The following LSP1 variants were observed in gnomAD, a reference collection of about 807,000 sequenced individuals.
The protein encoded by LSP1 is lymphocyte-specific protein 1.
In LSP1, 32 loss-of-function variants were observed where a neutral mutation model predicts 49.3. That is an observed-to-expected ratio of 0.65 (90% confidence interval 0.49 to 0.87). The LOEUF (loss-of-function observed/expected upper bound fraction) is 0.87, where lower values mean the gene tolerates loss of function less well. Ranked by LOEUF, LSP1 falls within the 40% of genes least tolerant of loss-of-function variation. The pLI, the probability that LSP1 is intolerant of heterozygous loss-of-function variation, is 0.00. For missense variants in LSP1, 428 were observed against 442.6 expected (o/e 0.97, Z 0.30); for synonymous variants, 179 against 178.8 (o/e 1.00, Z -0.01).
chr11:1,865,747 A>C (rs569829449), intron 1 of LSP1, among the ~76,000 whole-genome samples: 1 of 151,488 alleles, frequency 6.6e-6, no homozygotes, highest in East Asian at 2.0e-4. Context: ...TGAGCCCCCA[A>C]AATGAAGGGC....
rs1050909061 is a variant in LSP1, at chr11:1,881,495, C to G, written c.255C>G (p.Ser85=). ...AGGACGAGGGCTTTGGCGACTGGTC[C>G]CAGAGGCCAGAGCAGCGGCAGCAGC... The part of the protein sequence containing the change: ...LDEDEGFGDW[S]QRPEQRQQHE... Residue 85 remains serine, a synonymous_variant, in exon 3 of 11, where the codon TCC becomes TCG. Coordinates refer to ENST00000311604, the MANE Select transcript of LSP1 (RefSeq NM_002339.3). The G allele has an allele frequency of 1.3e-6, 2 of 1,575,436 alleles. No individual in the cohort carries two copies. The highest frequency in any genetic ancestry group is 1.3e-5 in the African/African-American group (1 of 74,462).
chr11:1,876,091 G>A (rs904013198), intron 1 of LSP1, among the ~76,000 whole-genome samples: 5 of 152,224 alleles, frequency 3.3e-5, no homozygotes, highest in African/African-American at 9.6e-5. Context: ...GATAGGCCCC[G>A]ACACACACTC....
At chr11:1,890,241 G>T in intron 10 of LSP1, 1 of 716,326 alleles carries the variant, frequency 1.4e-6, no homozygotes. Context: ...GGGGGTGTGC[G>T]GGGAGCGGGG....
At position 1,867,950 on chromosome 11, in the gene LSP1, G is replaced by A. The variant is rs934852754; in HGVS notation, c.54-12137G>A. 3.3e-5 allele frequency among the ~76,000 whole-genome samples: 5 copies of A among 152,262 alleles called. No individual in the cohort carries two copies. In the South Asian group the frequency reaches 8.3e-4, roughly 25 times the overall value. On this transcript the variant is annotated intron_variant, in intron 1 of 10. Coordinates refer to ENST00000311604, the MANE Select transcript of LSP1 (RefSeq NM_002339.3). ...TGTACCCAGCCCCTGCCAGAATGCG[G>A]CTTCTGGCTGGCAGGGTCAGGCCCT... is the stretch of plus-strand genomic sequence containing the variant.
chr11:1,862,857 C>G (rs993046082), intron 1 of LSP1, among the ~76,000 whole-genome samples: 9 of 152,148 alleles, frequency 5.9e-5, no homozygotes, highest in African/African-American at 2.2e-4. Flanking sequence ...CCTGGGTGAG[C>G]TCACTAAACA....
intron 1 of LSP1, among the ~76,000 whole-genome samples, chr11:1,863,848 G>A (rs990699232): frequency 1.3e-5 from 2 of 152,152 alleles, no homozygotes; most frequent in South Asian, 2.1e-4. Flanking sequence ...ATACCAAACC[G>A]AAGATGCTGC....
intron 1 of LSP1, chr11:1,865,137 T>C: frequency 3.2e-5 from 30 of 948,124 alleles, no homozygotes; most frequent in Non-Finnish European, 3.8e-5. Context: ...CAGGAGCCTT[T>C]GAGATGCTGC....
At chr11:1,869,689 A>T (rs1418063564) in intron 1 of LSP1, 1 of 470,700 alleles carries the variant, frequency 2.1e-6, no homozygotes, top group Non-Finnish European at 4.4e-6. Flanking sequence ...GGAAGATCAA[A>T]GAAGCGAGAA....
At chr11:1,887,407 G>C (rs1305278956) in intron 9 of LSP1, 67 bp from the exon 10 acceptor site, 3 of 1,581,820 alleles carry the variant, frequency 1.9e-6, no homozygotes, top group Non-Finnish European at 2.6e-6. Context: ...GGGCTTCCCA[G>C]AGGCGGAGGC....
In LSP1 at chr11:1,872,368, T is replaced by G. The variant is rs544713517; in HGVS notation, c.54-7719T>G. Among the ~76,000 whole-genome samples the G allele has an allele frequency of 3.5e-5, 5 of 142,248 alleles. No individual in the cohort carries two copies. The East Asian group carries it at 8.9e-4, about 25-fold the overall frequency. The allele number at this position is 142,248 out of a possible 152,430, so 93.3% of individuals were successfully genotyped here. On this transcript the variant is annotated intron_variant, in intron 1 of 10. Transcript: ENST00000311604. ...CCCATGCTGGTAGAGTTGGGGTCTGTCTGGCTGGCGTGGGCACCTTTGGGA... is the reference window on the plus strand; with the variant it reads ...CCCATGCTGGTAGAGTTGGGGTCTGGCTGGCTGGCGTGGGCACCTTTGGGA...
At chr11:1,871,986 G>C (rs1848036866) in intron 1 of LSP1, among the ~76,000 whole-genome samples, 2 of 149,400 alleles carry the variant, frequency 1.3e-5, no homozygotes, top group South Asian at 4.2e-4. Flanking sequence ...GTAGAGTTGG[G>C]GTCTGTCTGG....
At chr11:1,864,340 G>A (rs1010634456) in intron 1 of LSP1, 4 of 745,068 alleles carry the variant, frequency 5.4e-6, no homozygotes, top group African/African-American at 3.8e-5. Flanking sequence ...GAGGCACTCC[G>A]AGGTGGGAGG....
At chr11:1,887,368 A>G (rs1848798451) in intron 9 of LSP1, 54 bp downstream of exon 9, 3 of 1,579,518 alleles carry the variant, frequency 1.9e-6, no homozygotes. Context: ...GGGGAGGGCA[A>G]AGAGGGACTG....
chr11:1,864,612 T>G (rs1847728042), intron 1 of LSP1, among the ~76,000 whole-genome samples: 2 of 144,996 alleles, frequency 1.4e-5, no homozygotes, highest in African/African-American at 5.2e-5. Flanking sequence ...GAGGAGGAGG[T>G]GGAGGTGGAA....
chr11:1,854,362 T>C (rs1249450816), intron 1 of LSP1, among the ~76,000 whole-genome samples: 1 of 152,062 alleles, frequency 6.6e-6, no homozygotes, highest in Non-Finnish European at 1.5e-5. Context: ...GCCTTGGTGC[T>C]GACAGCAGAG....
At position 1,880,177 on chromosome 11, in the gene LSP1, C is replaced by T. The variant is rs367677456; in HGVS notation, c.144C>T (p.Asp48=). The T allele has an allele frequency of 1.2e-5, 20 of 1,603,680 alleles. No homozygotes were observed. Among genetic ancestry groups the T allele is most frequent in the South Asian group, 2.2e-5 (2 of 90,030 alleles). The change falls in exon 2 of 11, where the codon GAC becomes GAT. Residue 48 remains aspartate, a synonymous_variant. Coordinates refer to ENST00000311604, the MANE Select transcript of LSP1 (RefSeq NM_002339.3). Reference sequence around the variant, plus strand: ...GAGACAGGCAGCTTCAGGCCCAGGACGAGGAGGGAGGCGGCCATGTCCCCG... The same window carrying T: ...GAGACAGGCAGCTTCAGGCCCAGGATGAGGAGGGAGGCGGCCATGTCCCCG... ...HERDRQLQAQ[D]EEGGGHVPER... is the part of the protein sequence containing the mutation.
intron 3 of LSP1, 121 bp from the exon 4 acceptor site, chr11:1,883,298 C>A: frequency 8.0e-7 from 1 of 1,248,768 alleles, no homozygotes; most frequent in Non-Finnish European, 1.1e-6. Context: ...GATCCCTTGG[C>A]ACTCAAGTAG....
rs958827118 is a variant in LSP1 at position 1,890,541 on chromosome 11, G to C, written c.*14-1232G>C. On this transcript the variant is annotated intron_variant, in intron 10 of 10. Transcript: ENST00000311604. Reference sequence around the variant, plus strand: ...GGGTCCAGGGGTTCCCTGGAGGCTTGGGCCGCACACCTCGGGTGCCATCGA... The same window carrying C: ...GGGTCCAGGGGTTCCCTGGAGGCTTCGGCCGCACACCTCGGGTGCCATCGA... The C allele has an allele frequency of 5.6e-6, 4 of 714,440 alleles. No homozygotes were observed. The African/African-American group carries it at 7.0e-5, about 12-fold the overall frequency. The allele number at this position is 714,440 out of a possible 1,614,324, so 44.3% of individuals were successfully genotyped here.
intron 1 of LSP1, among the ~76,000 whole-genome samples, chr11:1,877,561 G>A (rs890304960): frequency 6.6e-5 from 10 of 152,342 alleles, no homozygotes; most frequent in Non-Finnish European, 1.5e-4. Context: ...CACCGCCGTT[G>A]TCGGGGCAAT....
Sources: gnomAD v4.1 joint callset for allele counts (sites outside exome capture counted in the v4.1 genomes callset) on GRCh38, gnomAD v4.1.1 for gene constraint, MANE v1.5 for transcripts, NCBI Gene and HGNC (gene_info 2026-07-23, HGNC 2026-07-21) for gene names.